Variants in FYB1 observed in about 807,000 individuals in gnomAD.
FYB1 encodes the protein FYN-binding protein 1.
In FYB1, 41 loss-of-function variants were observed where a neutral mutation model predicts 94.1. The ratio of observed to expected loss-of-function variants is 0.44; its 90% CI spans 0.34 to 0.57. FYB1 has a LOEUF of 0.57. FYB1 is among the 20% of genes least tolerant of loss of function. The pLI, the probability that FYB1 is intolerant of heterozygous loss-of-function variation, is 0.02. For missense variants in FYB1, 1,050 were observed against 976.8 expected (o/e 1.07, Z -1.00); for synonymous variants, 367 against 353.2 (o/e 1.04, Z -0.44).
At chr5:39,183,680 A>C (rs991606266) in intron 2 of FYB1, among the ~76,000 whole-genome samples, 7 of 152,232 alleles carry the variant, frequency 4.6e-5, no homozygotes, top group African/African-American at 1.7e-4. Context: ...TAACAACTCA[A>C]AACAAGCTAT....
chr5:39,139,240 A>G lies in FYB1; in HGVS notation c.1352T>C (p.Leu451Pro). ...GVTHSDGAGN[L>P]DEEQDSEGET... ...AAGAGAAAAAAATCTGACCTCATCTAGATTTCCAGCACCTAAAAGATTAAA... is the reference window on the plus strand; with the variant it reads ...AAGAGAAAAAAATCTGACCTCATCTGGATTTCCAGCACCTAAAAGATTAAA... Residue 451 changes from leucine (L) to proline (P), a missense_variant, in exon 5 of 19, where the codon CTA (leucine) becomes CCA (proline). Transcript: ENST00000512982. The G allele has an allele frequency of 6.8e-7, 1 of 1,464,448 alleles. No homozygotes were observed. Among genetic ancestry groups the G allele is most frequent in the South Asian group, 1.3e-5 (1 of 78,128 alleles). The allele number at this position is 1,464,448 out of a possible 1,614,324, so 90.7% of individuals were successfully genotyped here.
At chr5:39,194,345 ACT>A (rs1024898987) in intron 2 of FYB1, among the ~76,000 whole-genome samples, 20 of 151,972 alleles carry the variant, frequency 1.3e-4, no homozygotes, top group African/African-American at 4.4e-4. Context: ...ACAAAGCAAG[ACT>A]CTGTCTCTAC....
rs1760374029 is a variant in FYB1 at position 39,106,327 on chromosome 5, ATCT to A, written c.*1113_*1115del. ...TAGGAGTTGTTAAAAAGCACTTAATATCTTCTTTTCTTGGGTGTTAGCATTTTT... is the reference window on the plus strand; with the variant it reads ...TAGGAGTTGTTAAAAAGCACTTAATATCTTTTCTTGGGTGTTAGCATTTTT... On this transcript the variant is annotated 3_prime_UTR_variant, in exon 19 of 19. Transcript: ENST00000512982. The A allele has an allele frequency of 6.6e-6, 1 of 152,124 alleles. No homozygotes were observed. The highest frequency in any genetic ancestry group is 2.4e-5 in the African/African-American group (1 of 41,442). 9.4% of individuals were successfully genotyped at this position (152,124 alleles called of 1,614,324 possible). A position where few individuals can be genotyped will look rare whatever the true frequency, so the allele number is the denominator to read the frequency against.
At chr5:39,133,168 T>C (rs919808416) in intron 9 of FYB1, among the ~76,000 whole-genome samples, 1 of 152,236 alleles carries the variant, frequency 6.6e-6, no homozygotes, top group Non-Finnish European at 1.5e-5. Flanking sequence ...AGTGTATTAC[T>C]AATTTGGTGT....
At chr5:39,139,669 T>A (rs1741987520) in intron 4 of FYB1, 1 of 152,730 alleles carries the variant, frequency 6.5e-6, no homozygotes. Context: ...ATTAAAAAAA[T>A]TTAATAAGAG....
chr5:39,141,138 G>A lies in FYB1; in HGVS notation c.1296C>T (p.Ser432=), dbSNP rs3188386. The A allele has an allele frequency of 0.2, 313,897 of 1,580,960 alleles. 33,667 individuals carry two copies. The highest frequency in any genetic ancestry group is 0.24 in the Middle Eastern group (1,469 of 6,016). The change falls in exon 4 of 19, where the codon AGC becomes AGT. Residue 432 remains serine (S), a synonymous_variant. Transcript: ENST00000512982. ...CATCTTGATTGTCTTCATTGACAGG[G>A]CTTCTGAAAACGAGAAAGAAGAAAC... ...RNIKPPFDLK[S]PVNEDNQDGV...
chr5:39,112,662 A>G (rs1009669666), intron 16 of FYB1, among the ~76,000 whole-genome samples: 1 of 152,092 alleles, frequency 6.6e-6, no homozygotes, highest in Non-Finnish European at 1.5e-5. Flanking sequence ...ACACTAAACG[A>G]AAAGAGAGCT....
At chr5:39,138,870 G>T (rs1348950148) in intron 5 of FYB1, 179 bp from the exon 6 acceptor site, 1 of 643,232 alleles carries the variant, frequency 1.6e-6, no homozygotes, top group Non-Finnish European at 2.8e-6. Flanking sequence ...ATTTTTGAAA[G>T]AATAATTCAA....
intron 1 of FYB1, among the ~76,000 whole-genome samples, chr5:39,212,356 T>A (rs1016047698): frequency 3.3e-5 from 5 of 152,112 alleles, no homozygotes; most frequent in African/African-American, 1.2e-4. Flanking sequence ...CAGCTTCTAG[T>A]CAATGAGAGA....
At chr5:39,155,087 GC>G (rs779102816) in intron 2 of FYB1, among the ~76,000 whole-genome samples, 3 of 152,222 alleles carry the variant, frequency 2.0e-5, no homozygotes, top group Non-Finnish European at 4.4e-5. Context: ...AACGAAGAAA[GC>G]CTCTCTTTAC....
chr5:39,190,363 G>A (rs1206713255), intron 2 of FYB1, among the ~76,000 whole-genome samples: 4 of 152,190 alleles, frequency 2.6e-5, no homozygotes, highest in Admixed American at 1.3e-4. Flanking sequence ...TTGGGGGCAG[G>A]TGATGGAATG....
chr5:39,177,420 T>G (rs1745831596), intron 2 of FYB1, among the ~76,000 whole-genome samples: 1 of 152,200 alleles, frequency 6.6e-6, no homozygotes. Flanking sequence ...CTTCACATTT[T>G]GCAAAATGAG....
At chr5:39,219,332 A>G (rs1750115946) in intron 1 of FYB1, 111 bp downstream of exon 1, 1 of 615,326 alleles carries the variant, frequency 1.6e-6, no homozygotes, top group Non-Finnish European at 2.0e-6. Flanking sequence ...CGTTTCCTTC[A>G]GTTATTCAGC....
chr5:39,226,730 T>A (rs1750487697), intron 1 of FYB1, among the ~76,000 whole-genome samples: 1 of 152,202 alleles, frequency 6.6e-6, no homozygotes, highest in South Asian at 2.1e-4. Flanking sequence ...TTAGTGTTCA[T>A]AAAAATAACC....
intron 1 of FYB1, among the ~76,000 whole-genome samples, chr5:39,249,295 G>C (rs545550526): frequency 6.6e-6 from 1 of 152,200 alleles, no homozygotes; most frequent in Non-Finnish European, 1.5e-5. Flanking sequence ...TTTCTGTAAG[G>C]GGCCTGATAG....
At chr5:39,253,352 A>T (rs1751805369) in intron 1 of FYB1, among the ~76,000 whole-genome samples, 2 of 142,240 alleles carry the variant, frequency 1.4e-5, no homozygotes, top group African/African-American at 5.8e-5. Flanking sequence ...TGAAATAAAA[A>T]TGTCTATAAA....
At chr5:39,228,877 T>C (rs2150567201) in intron 1 of FYB1, among the ~76,000 whole-genome samples, 1 of 152,316 alleles carries the variant, frequency 6.6e-6, no homozygotes. Context: ...AATTAGAGTA[T>C]TACAGTTGAT....
chr5:39,212,964 C>T (rs916206853), intron 1 of FYB1: 2 of 150,668 alleles, frequency 1.3e-5, no homozygotes, highest in African/African-American at 4.9e-5. Flanking sequence ...AGATTAACAT[C>T]TGTGCTTTAC....
At chr5:39,137,756 G>T in intron 6 of FYB1, 36 bp from the exon 7 acceptor site, 1 of 1,549,434 alleles carries the variant, frequency 6.5e-7, no homozygotes. Context: ...TTTCACATCT[G>T]CAGGTGTTGA....
Sources: allele counts gnomAD v4.1 joint callset (sites outside exome capture counted in the v4.1 genomes callset), GRCh38; gene constraint gnomAD v4.1.1; transcripts MANE v1.5; gene names NCBI Gene and HGNC (gene_info 2026-07-23, HGNC 2026-07-21).